Variants in HDAC4 observed in about 807,000 individuals in gnomAD.
HDAC4 encodes the protein histone deacetylase 4, also known as histone deacetylase A.
A neutral mutation model predicts 135.1 loss-of-function variants in HDAC4; 16 were observed. The observed-to-expected ratio is 0.12, with a 90% CI of 0.08 to 0.18. The LOEUF (loss-of-function observed/expected upper bound fraction) is 0.18, where lower values mean the gene tolerates loss of function less well. Ranked by LOEUF, HDAC4 falls within the 10% of genes least tolerant of loss-of-function variation. The pLI, the probability that HDAC4 is intolerant of heterozygous loss-of-function variation, is 1.00. For missense variants in HDAC4, 1,143 were observed against 1,511.8 expected, an observed-to-expected ratio of 0.76 and a Z score of 4.05; for synonymous variants, 685 against 653.4, an observed-to-expected ratio of 1.05 and a Z score of -0.74.
intron 1 of HDAC4, among the ~76,000 whole-genome samples, chr2:239,380,306 A>G (rs554380417): frequency 6.6e-6 from 1 of 152,096 alleles, no homozygotes; most frequent in Admixed American, 6.6e-5. Context: ...CTTCTTATAT[A>G]ATTCATGTAT....
intron 2 of HDAC4, among the ~76,000 whole-genome samples, chr2:239,264,953 T>C (rs1032977130): frequency 6.6e-6 from 1 of 152,174 alleles, no homozygotes; most frequent in African/African-American, 2.4e-5. Flanking sequence ...ACTGTCCAGC[T>C]TCAGAGAACC....
chr2:239,268,867 G>A (rs1201872234), intron 2 of HDAC4, among the ~76,000 whole-genome samples: 1 of 152,186 alleles, frequency 6.6e-6, no homozygotes, highest in Non-Finnish European at 1.5e-5. Flanking sequence ...ATGGTGCCAG[G>A]CTCCCTACCC....
intron 13 of HDAC4, 81 bp from the exon 14 acceptor site, chr2:239,111,793 G>C: frequency 2.2e-6 from 3 of 1,333,658 alleles, no homozygotes; most frequent in Admixed American, 2.0e-5. Flanking sequence ...GCCCTCTCTT[G>C]CAAGTCTCCC....
At chr2:239,385,972 A>G (rs1695774896) in intron 1 of HDAC4, among the ~76,000 whole-genome samples, 1 of 152,202 alleles carries the variant, frequency 6.6e-6, no homozygotes, top group African/African-American at 2.4e-5. Context: ...TGTGCCCTAA[A>G]CAAGGGCTAA....
At chr2:239,087,744 G>T in intron 18 of HDAC4, 130 bp from the exon 19 acceptor site, 1 of 851,470 alleles carries the variant, frequency 1.2e-6, no homozygotes, top group Non-Finnish European at 1.9e-6. Flanking sequence ...CTGCACCCTG[G>T]CCACAGTGAT....
chr2:239,194,090 A>G (rs1246218681), intron 3 of HDAC4, among the ~76,000 whole-genome samples: 1 of 152,144 alleles, frequency 6.6e-6, no homozygotes, highest in African/African-American at 2.4e-5. Flanking sequence ...AAGGTTCCTC[A>G]CAGGGATGCC....
chr2:239,272,727 C>T (rs926324685), intron 2 of HDAC4, among the ~76,000 whole-genome samples: 1 of 152,234 alleles, frequency 6.6e-6, no homozygotes, highest in African/African-American at 2.4e-5. Context: ...ACCCCCAATG[C>T]ACCCCTGCGC....
intron 5 of HDAC4, among the ~76,000 whole-genome samples, chr2:239,166,718 C>T (rs2043142030): frequency 6.6e-6 from 1 of 152,264 alleles, no homozygotes; most frequent in Admixed American, 6.5e-5. Context: ...AGACATAAAC[C>T]AGAGAGTTAA....
At chr2:239,148,756 C>T (rs149819508) in intron 7 of HDAC4, among the ~76,000 whole-genome samples, 46 of 152,294 alleles carry the variant, frequency 3.0e-4, no homozygotes, top group African/African-American at 6.0e-4. Flanking sequence ...CCACGGAGCC[C>T]GGGAGAGGAG....
chr2:239,344,949 G>A (rs77241941), intron 2 of HDAC4, among the ~76,000 whole-genome samples: 1 of 152,182 alleles, frequency 6.6e-6, no homozygotes, highest in Non-Finnish European at 1.5e-5. Context: ...CACCGCAGGG[G>A]CCATGAACAA....
At chr2:239,130,127 T>C (rs1225731731) in intron 11 of HDAC4, among the ~76,000 whole-genome samples, 1 of 152,120 alleles carries the variant, frequency 6.6e-6, no homozygotes, top group African/African-American at 2.4e-5. Context: ...CAGGCAAGAG[T>C]TAGATCCAAC....
chr2:239,368,614 C>G (rs1694389095), intron 1 of HDAC4, among the ~76,000 whole-genome samples: 1 of 152,262 alleles, frequency 6.6e-6, no homozygotes, highest in African/African-American at 2.4e-5. Flanking sequence ...GGGGCACAGG[C>G]TGTTTCCTCC....
chr2:239,317,067 T>C (rs2053141210), intron 2 of HDAC4, among the ~76,000 whole-genome samples: 1 of 152,134 alleles, frequency 6.6e-6, no homozygotes, highest in Admixed American at 6.5e-5. Flanking sequence ...TTAGACCCGG[T>C]ATCTGGACCA....
intron 2 of HDAC4, among the ~76,000 whole-genome samples, chr2:239,301,576 G>C (rs559028436): frequency 6.6e-6 from 1 of 151,552 alleles, no homozygotes; most frequent in Non-Finnish European, 1.5e-5. Context: ...CGACCTCCTA[G>C]CTCGAAGGAT....
chr2:239,199,425 C>T (rs934100688), intron 3 of HDAC4, among the ~76,000 whole-genome samples: 23 of 152,186 alleles, frequency 1.5e-4, no homozygotes, highest in Non-Finnish European at 2.4e-4. Flanking sequence ...ATTTCTATAA[C>T]GGGAAGGAAT....
chr2:239,371,498 C>A (rs1393513279), intron 1 of HDAC4, among the ~76,000 whole-genome samples: 1 of 152,158 alleles, frequency 6.6e-6, no homozygotes, highest in Non-Finnish European at 1.5e-5. Flanking sequence ...AACACACAAA[C>A]ATGCATGCTC....
intron 2 of HDAC4, among the ~76,000 whole-genome samples, chr2:239,294,062 C>T (rs1223172608): frequency 6.6e-6 from 1 of 152,238 alleles, no homozygotes; most frequent in Non-Finnish European, 1.5e-5. Context: ...CGTCTCCCAG[C>T]CCACCCTCTG....
intron 2 of HDAC4, among the ~76,000 whole-genome samples, chr2:239,295,262 G>A (rs1345339013): frequency 1.5e-5 from 2 of 129,528 alleles, no homozygotes; most frequent in African/African-American, 3.0e-5. Flanking sequence ...AGCCGAGATC[G>A]CGCCCCTGCA....
chr2:239,386,516 T>C (rs1338456903), intron 1 of HDAC4, among the ~76,000 whole-genome samples: 1 of 152,140 alleles, frequency 6.6e-6, no homozygotes, highest in Non-Finnish European at 1.5e-5. Context: ...GCGAGGCCTC[T>C]GGAGCCCACG....
Sources: gnomAD v4.1 joint callset for allele counts (sites outside exome capture counted in the v4.1 genomes callset) on GRCh38, gnomAD v4.1.1 for gene constraint, MANE v1.5 for transcripts, NCBI Gene and HGNC (gene_info 2026-07-23, HGNC 2026-07-21) for gene names.